The following FMN2 variants were observed in gnomAD, a reference collection of about 807,000 sequenced individuals.
The protein encoded by FMN2 is formin 2, also known as formin-2.
In FMN2, 51 loss-of-function variants were observed where a neutral mutation model predicts 142.3. The ratio of observed to expected loss-of-function variants is 0.36; its 90% CI spans 0.29 to 0.45. The LOEUF (loss-of-function observed/expected upper bound fraction) is 0.45. Among genes scored for constraint, FMN2 ranks in the 20% least tolerant of loss-of-function variants. The pLI, the probability that FMN2 is intolerant of heterozygous loss-of-function variation, is 1.00. For missense variants in FMN2, 1,936 were observed against 2,122.8 expected, an observed-to-expected ratio of 0.91 and a Z score of 1.73; for synonymous variants, 882 against 869.8, an observed-to-expected ratio of 1.01 and a Z score of -0.25.
rs555074808 is a variant in FMN2 at position 240,439,279 on chromosome 1, A to AAAAAAGAAAGAAAG, written c.5060+1072_5060+1073insAAGAAAGAAAGAAA. ...CAGAGCAAGGCTGTCTCAAAAAAAA[A>AAAAAAGAAAGAAAG]AAAGAAAGAAAGAAAGAAAGAAAGA... On this transcript the variant is annotated intron_variant, in intron 16 of 17. Transcript: ENST00000319653. Among the ~76,000 whole-genome samples, 45 of 124,772 alleles carry AAAAAAGAAAGAAAG rather than the reference A, an allele frequency of 3.6e-4. No individual in the cohort carries two copies. In the Middle Eastern group the frequency reaches 0.013, roughly 35 times the overall value. 81.9% of individuals were successfully genotyped at this position (124,772 alleles called of 152,430 possible). A position where few individuals can be genotyped will look rare whatever the true frequency, so the allele number is the denominator to read the frequency against.
chr1:240,325,813 G>A (rs1671153208), intron 8 of FMN2, among the ~76,000 whole-genome samples: 1 of 152,156 alleles, frequency 6.6e-6, no homozygotes, highest in African/African-American at 2.4e-5. Context: ...TAAAGTGCTG[G>A]CTAGTGTTTC....
chr1:240,274,224 A>G (rs1572142986), intron 7 of FMN2, among the ~76,000 whole-genome samples: 2 of 151,274 alleles, frequency 1.3e-5, no homozygotes, highest in Middle Eastern at 3.4e-3. Flanking sequence ...GGGAAACGAA[A>G]AAAAAAAAAA....
At chr1:240,399,346 C>A (rs1673894567) in intron 15 of FMN2, among the ~76,000 whole-genome samples, 1 of 151,866 alleles carries the variant, frequency 6.6e-6, no homozygotes, top group South Asian at 2.1e-4. Context: ...CTGGAAAAAA[C>A]AATATAAAAC....
chr1:240,363,442 C>A (rs1672558929), intron 14 of FMN2, among the ~76,000 whole-genome samples: 1 of 152,166 alleles, frequency 6.6e-6, no homozygotes, highest in Non-Finnish European at 1.5e-5. Context: ...GAGAGAAAAA[C>A]CAAAACACTT....
chr1:240,193,685 C>A (rs912633393), intron 4 of FMN2, among the ~76,000 whole-genome samples: 12 of 152,248 alleles, frequency 7.9e-5, no homozygotes, highest in Admixed American at 1.3e-4. Context: ...TTTCCTTCTC[C>A]CGGGCCTCCT....
chr1:240,447,761 G>A (rs960815160), intron 16 of FMN2, among the ~76,000 whole-genome samples: 3 of 152,108 alleles, frequency 2.0e-5, no homozygotes, highest in Non-Finnish European at 4.4e-5. Flanking sequence ...CTCTTGCGGG[G>A]GGTACAAAAT....
intron 15 of FMN2, among the ~76,000 whole-genome samples, chr1:240,424,281 A>T (rs949567519): frequency 6.6e-6 from 1 of 152,196 alleles, no homozygotes; most frequent in Admixed American, 6.5e-5. Flanking sequence ...TTTTATTTCC[A>T]TATAAATAAA....
chr1:240,150,714 C>T (rs1455193722), intron 2 of FMN2, among the ~76,000 whole-genome samples: 1 of 152,126 alleles, frequency 6.6e-6, no homozygotes, highest in Non-Finnish European at 1.5e-5. Flanking sequence ...TTACACATGT[C>T]ATTTGATCTT....
chr1:240,250,414 A>G (rs1223362167), intron 6 of FMN2, among the ~76,000 whole-genome samples: 1 of 152,070 alleles, frequency 6.6e-6, no homozygotes, highest in Non-Finnish European at 1.5e-5. Context: ...ATGTACAACC[A>G]TTTTTGCATC....
At chr1:240,402,437 C>T (rs551209660) in intron 15 of FMN2, among the ~76,000 whole-genome samples, 20 of 152,304 alleles carry the variant, frequency 1.3e-4, no homozygotes, top group African/African-American at 3.8e-4. Flanking sequence ...CTGCAGTTCT[C>T]CTGGAAAGTA....
chr1:240,129,794 G>A (rs922297945), intron 2 of FMN2, among the ~76,000 whole-genome samples: 2 of 152,038 alleles, frequency 1.3e-5, no homozygotes, highest in South Asian at 4.1e-4. Context: ...GAGCCATCAC[G>A]CCCAGCCACC....
intron 16 of FMN2, among the ~76,000 whole-genome samples, chr1:240,440,994 C>CTTTTT (rs11358093): frequency 7.8e-6 from 1 of 127,500 alleles, no homozygotes; most frequent in Non-Finnish European, 1.6e-5. Flanking sequence ...TTGGTGTAAA[C>CTTTTT]TTTTTTTTTT....
intron 8 of FMN2, among the ~76,000 whole-genome samples, chr1:240,319,063 G>A (rs1670881504): frequency 6.6e-6 from 1 of 152,160 alleles, no homozygotes; most frequent in Non-Finnish European, 1.5e-5. Flanking sequence ...GAAAATACAG[G>A]CTTAGAAGGG....
At chr1:240,430,648 T>C (rs113643513) in intron 15 of FMN2, among the ~76,000 whole-genome samples, 12 of 140,844 alleles carry the variant, frequency 8.5e-5, no homozygotes, top group African/African-American at 3.7e-4. Flanking sequence ...TAAATACTTA[T>C]TTTTTTTTAT....
chr1:240,416,405 C>T (rs892700103), intron 15 of FMN2, among the ~76,000 whole-genome samples: 25 of 151,846 alleles, frequency 1.6e-4, no homozygotes, highest in African/African-American at 3.4e-4. Context: ...GGACTACAGA[C>T]GTGCCACCAC....
intron 8 of FMN2, among the ~76,000 whole-genome samples, chr1:240,305,530 T>G (rs759822853): frequency 3.9e-5 from 6 of 152,226 alleles, no homozygotes; most frequent in Non-Finnish European, 8.8e-5. Flanking sequence ...AGAGCCATAA[T>G]GTATGCCTAA....
intron 6 of FMN2, among the ~76,000 whole-genome samples, chr1:240,251,143 G>C (rs189386347): frequency 2.6e-5 from 4 of 151,492 alleles, no homozygotes; most frequent in African/African-American, 9.7e-5. Flanking sequence ...TGCTTTTCTG[G>C]TTCCTTGATA....
intron 14 of FMN2, among the ~76,000 whole-genome samples, chr1:240,388,877 A>AAGG (rs1491200861): frequency 2.9e-5 from 4 of 135,768 alleles, no homozygotes; most frequent in African/African-American, 8.3e-5. Context: ...AAAAAAAAAA[A>AAGG]GGGGGGGGGT....
chr1:240,400,109 A>G (rs1365102332), intron 15 of FMN2, among the ~76,000 whole-genome samples: 1 of 152,198 alleles, frequency 6.6e-6, no homozygotes, highest in Non-Finnish European at 1.5e-5. Flanking sequence ...TGGCTAAGCA[A>G]TCAGAAGTTT....
Sources: gnomAD v4.1 joint callset for allele counts (sites outside exome capture counted in the v4.1 genomes callset) on GRCh38, gnomAD v4.1.1 for gene constraint, MANE v1.5 for transcripts, NCBI Gene and HGNC (gene_info 2026-07-23, HGNC 2026-07-21) for gene names.